ABLIM2: variants seen among roughly 807,000 people sequenced by gnomAD.
ABLIM2 encodes the protein actin-binding LIM protein 2.
A neutral mutation model predicts 97.7 loss-of-function variants in ABLIM2; 53 were observed. The ratio of observed to expected loss-of-function variants is 0.54; its 90% CI spans 0.44 to 0.68. ABLIM2 has a LOEUF of 0.68. ABLIM2 is among the 30% of genes least tolerant of loss of function. The pLI, the probability that ABLIM2 is intolerant of heterozygous loss-of-function variation, is 0.00. For synonymous variants in ABLIM2, 361 were observed against 345.8 expected (o/e 1.04, Z -0.49); for missense variants, 835 against 867.2 (o/e 0.96, Z 0.47).
Position 8,004,137 on chromosome 4 carries a change from G to A in ABLIM2, c.1618+3922C>T, listed in dbSNP as rs932568955. ...CCTTCCCTTCCACAGAAAAGCTGCA[G>A]CAGGGTCGCTGTCTCCTAACCCTCC... On this transcript the variant is annotated intron_variant, in intron 16 of 20. Transcript: ENST00000447017. The surrounding 1 kb of genome is among the most constrained non-coding windows in gnomAD (Gnocchi z 5.9). Among the ~76,000 whole-genome samples the A allele has an allele frequency of 1.4e-5, 2 of 142,238 alleles. No individual in the cohort carries two copies. The highest frequency in any genetic ancestry group is 3.1e-5 in the Non-Finnish European group (2 of 65,394). 93.3% of individuals were successfully genotyped at this position (142,238 alleles called of 152,430 possible). A position where few individuals can be genotyped will look rare whatever the true frequency, so the allele number is the denominator to read the frequency against.
chr4:7,984,805 A>T, intron 18 of ABLIM2, 34 bp downstream of exon 18: 4 of 1,561,580 alleles, frequency 2.6e-6, no homozygotes, highest in Non-Finnish European at 3.5e-6. Context: ...CCCCTGCCCC[A>T]GCCAGAGACC....
rs532501636 is a variant in ABLIM2, at chr4:8,044,762, G to T, written c.900+402C>A. Among the ~76,000 whole-genome samples, 443 of 152,186 alleles carry T rather than the reference G, an allele frequency of 2.9e-3. 2 individuals carry two copies. Among genetic ancestry groups the T allele is most frequent in the Non-Finnish European group, 5.4e-3 (369 of 68,028 alleles). The stretch of plus-strand genomic sequence containing the variant: ...GCTTCTTTTAGGGAACACGCTGGGA[G>T]AGCGTGCGTGTTGATGTACACAGAT... On this transcript the variant is annotated intron_variant, in intron 9 of 20. Transcript: ENST00000447017. The surrounding 1 kb of genome is among the most constrained non-coding windows in gnomAD (Gnocchi z 4.4).
rs1208107979 is a variant in ABLIM2 at position 8,032,470 on chromosome 4, G to C, written c.1048-2694C>G. ...TCGGGGAGGCATGCAAGTGCGGGGT[G>C]ATCATAAAAATAACCAGCAGCCAGG... On this transcript the variant is annotated intron_variant, in intron 10 of 20. Coordinates refer to ENST00000447017, the MANE Select transcript of ABLIM2 (RefSeq NM_001130083.2). The surrounding 1 kb of genome is among the most constrained non-coding windows in gnomAD (Gnocchi z 4.3). Among the ~76,000 whole-genome samples, 1 of 152,178 alleles carries C rather than the reference G, an allele frequency of 6.6e-6. No homozygotes were observed. Among genetic ancestry groups the C allele is most frequent in the Non-Finnish European group, 1.5e-5 (1 of 68,022 alleles).
chr4:8,106,444 T>C, intron 2 of ABLIM2, 50 bp downstream of exon 2: 1 of 1,562,448 alleles, frequency 6.4e-7, no homozygotes, highest in Non-Finnish European at 8.7e-7. Context: ...GGATCGCCGC[T>C]GGGAGGCCCG....
chr4:8,109,435 C>T (rs922694023), intron 1 of ABLIM2, among the ~76,000 whole-genome samples: 3 of 152,366 alleles, frequency 2.0e-5, no homozygotes, highest in Admixed American at 6.5e-5. Context: ...AGCTCTGAGC[C>T]TGGAAGGTCT....
At chr4:8,066,898 T>TTA (rs1808244873) in intron 6 of ABLIM2, among the ~76,000 whole-genome samples, 1 of 152,176 alleles carries the variant, frequency 6.6e-6, no homozygotes, top group Admixed American at 6.5e-5. Flanking sequence ...GTACGTTACG[T>TTA]GAATGTCACC....
intron 7 of ABLIM2, among the ~76,000 whole-genome samples, chr4:8,057,275 G>A (rs563920839): frequency 1.4e-4 from 22 of 151,972 alleles, no homozygotes; most frequent in African/African-American, 5.3e-4. Flanking sequence ...TAGTAGAGAT[G>A]GGGTTTCGCC....
rs1315075933 is a variant in ABLIM2, at chr4:8,033,849, C to T, written c.1047+2300G>A. ...CCTGGAAGCTGTGTCCTGGTCATACCATGAGACCCTGGAGCAGGACAGGGA... is the reference window on the plus strand; with the variant it reads ...CCTGGAAGCTGTGTCCTGGTCATACTATGAGACCCTGGAGCAGGACAGGGA... On this transcript the variant is annotated intron_variant, in intron 10 of 20. Transcript: ENST00000447017. The surrounding 1 kb of genome is among the most constrained non-coding windows in gnomAD (Gnocchi z 4.5). Among the ~76,000 whole-genome samples the T allele has an allele frequency of 6.6e-6, 1 of 152,224 alleles. No individual in the cohort carries two copies.
intron 4 of ABLIM2, among the ~76,000 whole-genome samples, chr4:8,084,921 C>T (rs764031549): frequency 1.9e-4 from 29 of 152,326 alleles, no homozygotes; most frequent in Middle Eastern, 6.8e-3. Context: ...TCGCACTCTG[C>T]GACGGCCGCC....
rs1353086827 is a variant in ABLIM2, at chr4:8,083,449, C to A, written c.455-2647G>T. 2.0e-5 allele frequency among the ~76,000 whole-genome samples: 3 copies of A among 152,334 alleles called. No homozygotes were observed. The highest frequency in any genetic ancestry group is 7.2e-5 in the African/African-American group (3 of 41,580). On this transcript the variant is annotated intron_variant, in intron 4 of 20. Transcript: ENST00000447017. This position sits in a 1 kb window ranked among gnomAD's most constrained non-coding sequence, Gnocchi z 4.6. Reference sequence around the variant, plus strand: ...GTGATGCCTTTATGGGCATCTCCGCCACTCTGCCTCCTACCATATTGGCCG... The same window carrying A: ...GTGATGCCTTTATGGGCATCTCCGCAACTCTGCCTCCTACCATATTGGCCG...
At position 8,023,828 on chromosome 4, in the gene ABLIM2, A is replaced by G. The variant is rs1169947751; in HGVS notation, c.1268-3525T>C. On this transcript the variant is annotated intron_variant, in intron 12 of 20. Coordinates refer to ENST00000447017, the MANE Select transcript of ABLIM2 (RefSeq NM_001130083.2). The surrounding 1 kb of genome is among the most constrained non-coding windows in gnomAD (Gnocchi z 5.7). ...GGCTCTTGCTATTATACTCTAGTTT[A>G]CAATCCAATGACACATCCTTCATCG... Among the ~76,000 whole-genome samples the G allele has an allele frequency of 2.6e-5, 4 of 152,118 alleles. No individual in the cohort carries two copies. Among genetic ancestry groups the G allele is most frequent in the Non-Finnish European group, 4.4e-5 (3 of 68,048 alleles).
chr4:8,070,608 A>T (rs921352919), intron 6 of ABLIM2, among the ~76,000 whole-genome samples: 4 of 152,156 alleles, frequency 2.6e-5, no homozygotes, highest in Non-Finnish European at 5.9e-5. Flanking sequence ...ATGATGTTCA[A>T]CTGGTCCCTG....
chr4:8,036,850 C>T (rs1287185047), intron 9 of ABLIM2, among the ~76,000 whole-genome samples: 3 of 152,118 alleles, frequency 2.0e-5, no homozygotes, highest in African/African-American at 7.2e-5. Flanking sequence ...CATGCAAACA[C>T]ACACACTGCA....
Position 8,083,088 on chromosome 4 carries a change from A to G in ABLIM2, c.455-2286T>C, listed in dbSNP as rs1820963873. ...TAACCGTGCCAGGACAGCCGCCCTC[A>G]ACAGGGCTCTCTGGCCCCACATGTG... On this transcript the variant is annotated intron_variant, in intron 4 of 20. Transcript: ENST00000447017. The surrounding 1 kb of genome is among the most constrained non-coding windows in gnomAD (Gnocchi z 4.6). 6.6e-6 allele frequency among the ~76,000 whole-genome samples: 1 copy of G among 152,154 alleles called. No individual in the cohort carries two copies. The highest frequency in any genetic ancestry group is 1.5e-5 in the Non-Finnish European group (1 of 68,026).
intron 1 of ABLIM2, among the ~76,000 whole-genome samples, chr4:8,131,838 C>T (rs1392958603): frequency 2.2e-5 from 3 of 136,690 alleles, no homozygotes; most frequent in Admixed American, 7.0e-5. Context: ...CACAGCAGCC[C>T]GCATCCCTGA....
chr4:8,035,465 G>C (rs993808481), intron 10 of ABLIM2, among the ~76,000 whole-genome samples: 1 of 152,222 alleles, frequency 6.6e-6, no homozygotes, highest in Admixed American at 6.5e-5. Context: ...CCCCATGCCT[G>C]GCGGCACGCA....
At chr4:7,985,473 TC>T (rs1427129600) in intron 17 of ABLIM2, among the ~76,000 whole-genome samples, 7 of 152,088 alleles carry the variant, frequency 4.6e-5, no homozygotes. Context: ...GTTGTGGAAC[TC>T]CTAGGGTATT....
At chr4:8,016,860 C>G (rs1313487182) in intron 14 of ABLIM2, among the ~76,000 whole-genome samples, 2 of 152,358 alleles carry the variant, frequency 1.3e-5, no homozygotes, top group Non-Finnish European at 2.9e-5. Context: ...TTCTAGGCAG[C>G]TTATGTGAAA....
chr4:8,131,553 G>A (rs971694619), intron 1 of ABLIM2, among the ~76,000 whole-genome samples: 6 of 152,154 alleles, frequency 3.9e-5, no homozygotes, highest in Non-Finnish European at 7.3e-5. Context: ...GGGCCTGGGA[G>A]GACCCCCGAC....
Sources: gnomAD v4.1 joint callset for allele counts (sites outside exome capture counted in the v4.1 genomes callset) on GRCh38, gnomAD v4.1.1 for gene constraint, Gnocchi (gnomAD v3.1) non-coding constraint, MANE v1.5 for transcripts, NCBI Gene and HGNC (gene_info 2026-07-23, HGNC 2026-07-21) for gene names.